The following IL1RAPL1 variants were observed in gnomAD, a reference collection of about 807,000 sequenced individuals.
IL1RAPL1 encodes the protein interleukin-1 receptor accessory protein-like 1.
Under a neutral mutation model 48.4 loss-of-function variants are expected in IL1RAPL1, and 3 were observed. The ratio of observed to expected loss-of-function variants is 0.06; its 90% confidence interval spans 0.03 to 0.16. IL1RAPL1 has a LOEUF of 0.16. Ranked by LOEUF, IL1RAPL1 falls within the 10% of genes least tolerant of loss-of-function variation. The pLI, the probability that IL1RAPL1 is intolerant of heterozygous loss-of-function variation, is 1.00. For synonymous variants in IL1RAPL1, 185 were observed against 187.7 expected, an observed-to-expected ratio of 0.99 and a Z score of 0.12; for missense variants, 349 against 530.6, an observed-to-expected ratio of 0.66 and a Z score of 3.36.
intron 1 of IL1RAPL1, among the ~76,000 whole-genome samples, chrX:28,742,990 G>C (rs753082213): frequency 9.0e-6 from 1 of 111,613 alleles, no homozygotes; most frequent in Non-Finnish European, 1.9e-5. Context: ...ATACATCAAA[G>C]AACATTGTAA....
At chrX:29,064,119 A>G (rs1041339121) in intron 2 of IL1RAPL1, among the ~76,000 whole-genome samples, 1 of 112,056 alleles carries the variant, frequency 8.9e-6, no homozygotes, top group Non-Finnish European at 1.9e-5. Flanking sequence ...TTGCTCAGCC[A>G]TTAAGCATAA....
intron 2 of IL1RAPL1, among the ~76,000 whole-genome samples, chrX:28,927,593 T>G (rs888027584): frequency 2.7e-5 from 3 of 110,841 alleles, no homozygotes; most frequent in Non-Finnish European, 3.8e-5. Flanking sequence ...CATAGGCTGG[T>G]TTTCTTTCCT....
intron 4 of IL1RAPL1, among the ~76,000 whole-genome samples, chrX:29,397,050 C>T (rs748751285): frequency 9.8e-5 from 11 of 111,946 alleles, no homozygotes; most frequent in Non-Finnish European, 1.7e-4. Flanking sequence ...TTCCTATCAC[C>T]ATCATTGATG....
At chrX:29,635,147 A>G (rs1439726337) in intron 5 of IL1RAPL1, among the ~76,000 whole-genome samples, 2 of 111,233 alleles carry the variant, frequency 1.8e-5, no homozygotes, top group African/African-American at 6.6e-5. Flanking sequence ...AGAAATAGAG[A>G]AGGGGGAAAT....
At chrX:29,747,749 G>A (rs1928366806) in intron 6 of IL1RAPL1, among the ~76,000 whole-genome samples, 1 of 112,604 alleles carries the variant, frequency 8.9e-6, no homozygotes, top group Admixed American at 9.4e-5. Context: ...AGAAAAAATA[G>A]CAAATTAAAT....
At chrX:29,817,699 T>C (rs1324915486) in intron 6 of IL1RAPL1, among the ~76,000 whole-genome samples, 1 of 111,718 alleles carries the variant, frequency 9.0e-6, no homozygotes, top group Admixed American at 9.5e-5. Flanking sequence ...GAAACCCAGA[T>C]TCCGATTGAT....
intron 5 of IL1RAPL1, among the ~76,000 whole-genome samples, chrX:29,637,908 A>T (rs1160001178): frequency 3.6e-5 from 4 of 112,035 alleles, no homozygotes; most frequent in Non-Finnish European, 7.5e-5. Flanking sequence ...TAAATTTTTC[A>T]TTTTTTCATG....
chrX:29,656,972 A>G (rs1261265633), intron 5 of IL1RAPL1, among the ~76,000 whole-genome samples: 1 of 110,716 alleles, frequency 9.0e-6, no homozygotes, highest in Non-Finnish European at 1.9e-5. Context: ...TTGGCCTTGC[A>G]TCTCTTCCCC....
intron 1 of IL1RAPL1, among the ~76,000 whole-genome samples, chrX:28,668,882 G>T (rs753752386): frequency 1.1e-3 from 123 of 111,849 alleles, no homozygotes; most frequent in African/African-American, 3.9e-3. Flanking sequence ...AACTGAATTT[G>T]TGTCATACCA....
At chrX:29,650,880 A>G (rs1925496910) in intron 5 of IL1RAPL1, among the ~76,000 whole-genome samples, 1 of 111,587 alleles carries the variant, frequency 9.0e-6, no homozygotes, top group Non-Finnish European at 1.9e-5. Context: ...TATACATCTG[A>G]TAAGGGATTA....
intron 6 of IL1RAPL1, among the ~76,000 whole-genome samples, chrX:29,743,376 A>G (rs745606371): frequency 9.1e-6 from 1 of 109,737 alleles, no homozygotes; most frequent in East Asian, 2.8e-4. Context: ...TTAACTTTAC[A>G]ATGAAAAGCT....
Position 29,442,311 on chromosome X carries a change from A to G in IL1RAPL1, c.703+43003A>G, listed in dbSNP as rs373500657. ...GCAAACAAAAACATAAAGTGGGGAA[A>G]GGACTCCCTTTTCAACAAATGGTGC... On this transcript the variant is annotated intron_variant, in intron 5 of 10. Transcript: ENST00000378993. 5.8e-4 allele frequency among the ~76,000 whole-genome samples: 64 copies of G among 109,768 alleles called. 1 individual carries two copies. The highest frequency in any genetic ancestry group is 2.0e-3 in the Admixed American group (20 of 10,218).
chrX:28,925,910 ACT>A (rs1923730102), intron 2 of IL1RAPL1, among the ~76,000 whole-genome samples: 2 of 111,107 alleles, frequency 1.8e-5, no homozygotes, highest in African/African-American at 3.3e-5. Context: ...ACAGAGTGAG[ACT>A]CTGTCTCACA....
At chrX:29,419,713 A>T (rs997828155) in intron 5 of IL1RAPL1, among the ~76,000 whole-genome samples, 1 of 112,699 alleles carries the variant, frequency 8.9e-6, no homozygotes, top group Non-Finnish European at 1.9e-5. Flanking sequence ...AACAATGCTC[A>T]GTTAGTAGTG....
intron 2 of IL1RAPL1, among the ~76,000 whole-genome samples, chrX:29,043,521 G>T (rs182551591): frequency 9.0e-6 from 1 of 110,938 alleles, no homozygotes; most frequent in Non-Finnish European, 1.9e-5. Flanking sequence ...CTAAAGCCCT[G>T]ACTGGAATCC....
chrX:29,149,904 G>C lies in IL1RAPL1; in HGVS notation c.83-133034G>C, dbSNP rs764768921. ...GAAGTGGAAAGGAAAGTAGAGTGTT[G>C]TAGAATGAGTGCTGGATTTGAGGTC... On this transcript the variant is annotated intron_variant, in intron 2 of 10. Coordinates refer to ENST00000378993, the MANE Select transcript of IL1RAPL1 (RefSeq NM_014271.4). 5.4e-5 allele frequency among the ~76,000 whole-genome samples: 6 copies of C among 111,769 alleles called. No homozygotes were observed. The South Asian group carries it at 1.9e-3, about 35-fold the overall frequency.
chrX:29,094,407 G>A (rs945346747), intron 2 of IL1RAPL1, among the ~76,000 whole-genome samples: 7 of 110,229 alleles, frequency 6.4e-5, no homozygotes, highest in African/African-American at 2.3e-4. Flanking sequence ...TAGTTGTATC[G>A]TAGTTGATAA....
chrX:29,444,877 A>T (rs1934594638), intron 5 of IL1RAPL1, among the ~76,000 whole-genome samples: 1 of 112,066 alleles, frequency 8.9e-6, no homozygotes, highest in African/African-American at 3.2e-5. Context: ...GTTTTGTAGT[A>T]CAGACAAATT....
At chrX:29,553,997 C>G (rs747382610) in intron 5 of IL1RAPL1, among the ~76,000 whole-genome samples, 2 of 108,127 alleles carry the variant, frequency 1.8e-5, no homozygotes, top group South Asian at 8.3e-4. Flanking sequence ...CTCTGCATTT[C>G]AGTGTGGAAG....
Sources: gnomAD v4.1 joint callset for allele counts (sites outside exome capture counted in the v4.1 genomes callset) on GRCh38, gnomAD v4.1.1 for gene constraint, MANE v1.5 for transcripts, NCBI Gene and HGNC (gene_info 2026-07-23, HGNC 2026-07-21) for gene names.